TTI1: variants seen among roughly 807,000 people sequenced by gnomAD.
The protein encoded by TTI1 is TELO2-interacting protein 1 homolog.
In TTI1, 52 loss-of-function variants were observed where a neutral mutation model predicts 85.4. The ratio of observed to expected loss-of-function variants is 0.61; its 90% CI spans 0.49 to 0.77. The LOEUF is 0.77. Among genes scored for constraint, TTI1 ranks in the 30% least tolerant of loss-of-function variants. The pLI is 0.00. For synonymous variants in TTI1, 512 were observed against 503.9 expected (o/e 1.02, Z -0.22); for missense variants, 1,173 against 1,296.0 (o/e 0.91, Z 1.46).
intron 1 of TTI1, among the ~76,000 whole-genome samples, chr20:38,017,439 C>T (rs1278488106): frequency 3.4e-5 from 4 of 116,396 alleles, no homozygotes; most frequent in South Asian, 3.0e-4. Flanking sequence ...TGTGTGTGCG[C>T]GCGCGCCTTT....
chr20:37,996,634 C>A, intron 6 of TTI1, 115 bp downstream of exon 6: 2 of 1,408,470 alleles, frequency 1.4e-6, no homozygotes, highest in Non-Finnish European at 2.0e-6. Flanking sequence ...CAAAATAAGA[C>A]GGAAGGAGGT....
chr20:37,989,042 T>C (rs1274251450), intron 7 of TTI1, among the ~76,000 whole-genome samples: 1 of 152,244 alleles, frequency 6.6e-6, no homozygotes, highest in Non-Finnish European at 1.5e-5. Context: ...TCTCAGTTCA[T>C]TGGTTAACCA....
intron 2 of TTI1, 55 bp from the exon 3 acceptor site, chr20:38,006,452 C>CAA: frequency 6.3e-7 from 1 of 1,588,934 alleles, no homozygotes; most frequent in Non-Finnish European, 8.6e-7. Flanking sequence ...GGCATGAGTA[C>CAA]TTTATACACA....
intron 1 of TTI1, among the ~76,000 whole-genome samples, chr20:38,015,854 G>A (rs2073675295): frequency 6.6e-6 from 1 of 152,162 alleles, no homozygotes; most frequent in Non-Finnish European, 1.5e-5. Context: ...AGACTTGGAG[G>A]ACAGATCTGG....
intron 7 of TTI1, among the ~76,000 whole-genome samples, chr20:37,991,718 C>T (rs1784340945): frequency 6.6e-6 from 1 of 152,206 alleles, no homozygotes; most frequent in African/African-American, 2.4e-5. Flanking sequence ...TCATGTATAA[C>T]ATATTTGGGA....
At chr20:38,014,662 A>AGTCCAGCAGGATGGAAAGAT (rs2073655721) in intron 1 of TTI1, among the ~76,000 whole-genome samples, 2 of 152,202 alleles carry the variant, frequency 1.3e-5, no homozygotes, top group Admixed American at 6.5e-5. Context: ...GAGAAGACAG[A>AGTCCAGCAGGATGGAAAGAT]GTCCAGCAGG....
chr20:38,017,682 G>A lies in TTI1; in HGVS notation c.-41-3825C>T, dbSNP rs140013147. On this transcript the variant is annotated intron_variant, in intron 1 of 7. Transcript: ENST00000373447. ...TATTCTTCAAAGCTGGGGTAACAAA[G>A]CTGGAGATTTGATGGACTCGAAATA... 6.8e-3 allele frequency among the ~76,000 whole-genome samples: 1,042 copies of A among 152,300 alleles called. 5 individuals are homozygous for A. Among genetic ancestry groups the A allele is most frequent in the African/African-American group, 0.02 (825 of 41,544 alleles).
chr20:38,003,124 C>A (rs542293571), intron 3 of TTI1, among the ~76,000 whole-genome samples: 4 of 152,130 alleles, frequency 2.6e-5, no homozygotes, highest in Non-Finnish European at 1.5e-5. Flanking sequence ...CCATGCCCAA[C>A]TAATTTTTAA....
At chr20:38,023,754 T>A (rs2073800033) in intron 1 of TTI1, among the ~76,000 whole-genome samples, 1 of 152,252 alleles carries the variant, frequency 6.6e-6, no homozygotes, top group Non-Finnish European at 1.5e-5. Flanking sequence ...CAGCATATTC[T>A]GAAGTTTTGT....
Position 38,012,763 on chromosome 20 carries a change from T to C in TTI1, c.1054A>G (p.Asn352Asp). 1 of 1,614,188 alleles carries C rather than the reference T, an allele frequency of 6.2e-7. No homozygotes were observed. The highest frequency in any genetic ancestry group is 8.5e-7 in the Non-Finnish European group (1 of 1,180,036). ...DESPEIQAQC[N>D]KVLRHFADQK... ...TCTGCAAAATGTCTCAGAACTTTAT[T>C]GCACTGGGCTTGGATTTCAGGACTC... The change falls in exon 2 of 8, where the codon AAT becomes GAT. Residue 352 changes from asparagine (N) to aspartate (D), a missense_variant. Physicochemically the swap from Asn to Asp is conservative, Grantham distance 23 (BLOSUM62 1). Transcript: ENST00000373447.
rs41296227 is a variant in TTI1, at chr20:37,996,527, A to G, written c.2999-65T>C. ...CTTCATTTGGGACAAGCAGTGACCA[A>G]CTGTGTCTGGAGAAACTGCAACAGC... On this transcript the variant is annotated intron_variant, in intron 6 of 7. Coordinates refer to ENST00000373447, the MANE Select transcript of TTI1 (RefSeq NM_001303457.2). 2,257 of 1,579,804 alleles carry G rather than the reference A, an allele frequency of 1.4e-3. 5 individuals carry two copies. The highest frequency in any genetic ancestry group is 1.8e-3 in the Non-Finnish European group (2,033 of 1,155,988).
In TTI1 at chr20:37,996,449, C is replaced by T. The variant is rs1400545263; in HGVS notation, c.3012G>A (p.Leu1004=). The T allele has an allele frequency of 6.2e-7, 1 of 1,613,750 alleles. No individual in the cohort carries two copies. The highest frequency in any genetic ancestry group is 2.2e-5 in the East Asian group (1 of 44,892). Reference sequence around the variant, plus strand: ...TCAAGCAGGCATCAGCCACTTTATTCAGGTCACCCTCACCTGCAGAAAAGA... The same window carrying T: ...TCAAGCAGGCATCAGCCACTTTATTTAGGTCACCCTCACCTGCAGAAAAGA... The part of the protein sequence containing the change: ...CERLDLGEGD[L]NKVADACLIY... Residue 1004 remains leucine, a synonymous_variant, in exon 7 of 8, where the codon CTG becomes CTA. Transcript: ENST00000373447.
chr20:37,986,196 T>C (rs903646448), intron 7 of TTI1, among the ~76,000 whole-genome samples: 1 of 152,224 alleles, frequency 6.6e-6, no homozygotes, highest in African/African-American at 2.4e-5. Context: ...AGCTACAGCG[T>C]GGTGCTCTCC....
rs547026571 is a variant in TTI1 at position 37,990,628 on chromosome 20, A to G, written c.3086+5747T>C. 5.9e-5 allele frequency among the ~76,000 whole-genome samples: 9 copies of G among 152,350 alleles called. No homozygotes were observed. The East Asian group carries it at 1.7e-3, about 29-fold the overall frequency. On this transcript the variant is annotated intron_variant, in intron 7 of 7. Coordinates refer to ENST00000373447, the MANE Select transcript of TTI1 (RefSeq NM_001303457.2). ...ATCTCCCTGGCTACTTTATTTACTC[A>G]GTACTGAGACAACATTTACTTCCAC...
At position 38,012,910 on chromosome 20, in the gene TTI1, G is replaced by A; in HGVS notation, c.907C>T (p.His303Tyr). The change falls in exon 2 of 8, where the codon CAC becomes TAC. Residue 303 changes from histidine (H) to tyrosine (Y), a missense_variant. By Grantham distance (83) the His-to-Tyr change is moderately conservative. Coordinates refer to ENST00000373447, the MANE Select transcript of TTI1 (RefSeq NM_001303457.2). Reference sequence around the variant, plus strand: ...ACCAGTTCCAGTCTCACCTTCCAGTGTGGGTGAACAGAAACACACTCAATT... The same window carrying A: ...ACCAGTTCCAGTCTCACCTTCCAGTATGGGTGAACAGAAACACACTCAATT... Reference protein sequence around the residue: ...KIIECVSVHPHWKVRLELVEL... With the variant: ...KIIECVSVHPYWKVRLELVEL... 1 of 1,614,208 alleles carries A rather than the reference G, an allele frequency of 6.2e-7. No homozygotes were observed. The highest frequency in any genetic ancestry group is 2.2e-5 in the East Asian group (1 of 44,890).
intron 2 of TTI1, among the ~76,000 whole-genome samples, chr20:38,011,106 A>G (rs905607074): frequency 6.6e-6 from 1 of 152,226 alleles, no homozygotes; most frequent in African/African-American, 2.4e-5. Flanking sequence ...TCTGTTCTTC[A>G]TTAGCATAGA....
chr20:38,005,506 C>T (rs544071844), intron 3 of TTI1, among the ~76,000 whole-genome samples: 1 of 152,078 alleles, frequency 6.6e-6, no homozygotes, highest in Non-Finnish European at 1.5e-5. Context: ...GAAAAAAAAC[C>T]TGTTAGGAAA....
chr20:38,016,404 T>C (rs2073682987), intron 1 of TTI1, among the ~76,000 whole-genome samples: 1 of 151,720 alleles, frequency 6.6e-6, no homozygotes, highest in African/African-American at 2.4e-5. Flanking sequence ...ACTGTAGGAG[T>C]TTCAAGAAGA....
chr20:37,983,936 T>C (rs1029089521), intron 7 of TTI1, among the ~76,000 whole-genome samples: 1 of 152,180 alleles, frequency 6.6e-6, no homozygotes, highest in Admixed American at 6.5e-5. Flanking sequence ...AGAAAGAGGT[T>C]GAGTTCCAGA....
Sources: gnomAD v4.1 joint callset for allele counts (sites outside exome capture counted in the v4.1 genomes callset) on GRCh38, gnomAD v4.1.1 for gene constraint, MANE v1.5 for transcripts, NCBI Gene and HGNC (gene_info 2026-07-23, HGNC 2026-07-21) for gene names.